MGMT: variants seen among roughly 807,000 people sequenced by gnomAD.
The protein encoded by MGMT is O-6-methylguanine-DNA methyltransferase.
MGMT carries 14 observed loss-of-function variants against 15.9 expected under a neutral mutation model. The observed-to-expected ratio is 0.88, with a 90% CI of 0.58 to 1.37. MGMT has a LOEUF of 1.37. Ranked by LOEUF, MGMT falls within the 40% of genes most tolerant of loss-of-function variation. The probability of loss-of-function intolerance (pLI) is 0.00; values close to 1 mark genes in which losing one functional copy is unlikely to be tolerated. For missense variants in MGMT, 282 were observed against 268.1 expected (o/e 1.05, Z -0.36); for synonymous variants, 130 against 118.2 (o/e 1.10, Z -0.65).
At chr10:129,739,972 C>T (rs1223940631) in intron 3 of MGMT, among the ~76,000 whole-genome samples, 2 of 152,210 alleles carry the variant, frequency 1.3e-5, no homozygotes, top group Admixed American at 6.5e-5. Context: ...GGTCGTGTGG[C>T]CACTGGGGGC....
chr10:129,681,151 T>C (rs1427229466), intron 2 of MGMT, among the ~76,000 whole-genome samples: 1 of 152,130 alleles, frequency 6.6e-6, no homozygotes, highest in African/African-American at 2.4e-5. Context: ...CGTCCGATGG[T>C]CTCCACCTGT....
At chr10:129,620,595 A>G (rs1282810561) in intron 2 of MGMT, among the ~76,000 whole-genome samples, 1 of 152,128 alleles carries the variant, frequency 6.6e-6, no homozygotes, top group Non-Finnish European at 1.5e-5. Flanking sequence ...CTTTATCTCC[A>G]GCCATTTTTC....
intron 1 of MGMT, among the ~76,000 whole-genome samples, chr10:129,495,836 AG>A (rs370398281): frequency 2.6e-4 from 39 of 152,334 alleles, no homozygotes; most frequent in African/African-American, 8.9e-4. Context: ...CTGCAGAAAT[AG>A]GCCTGTGTCT....
At chr10:129,605,162 T>C (rs981753774) in intron 2 of MGMT, among the ~76,000 whole-genome samples, 1 of 152,212 alleles carries the variant, frequency 6.6e-6, no homozygotes, top group African/African-American at 2.4e-5. Flanking sequence ...GGGTTATTAC[T>C]GGCCATTGAA....
intron 2 of MGMT, among the ~76,000 whole-genome samples, chr10:129,670,761 T>A (rs10829614): frequency 0.47 from 70,790 of 151,986 alleles, 16,873 homozygotes; most frequent in East Asian, 0.76. Flanking sequence ...ATGGACAGAA[T>A]CATTGAAAGA....
chr10:129,467,731 G>A (rs1845185746), intron 1 of MGMT, among the ~76,000 whole-genome samples: 1 of 152,206 alleles, frequency 6.6e-6, no homozygotes, highest in Non-Finnish European at 1.5e-5. Flanking sequence ...TTTCCTTCCT[G>A]CTGGAGGCCA....
chr10:129,751,619 T>C (rs1480151884), intron 3 of MGMT, among the ~76,000 whole-genome samples: 1 of 151,930 alleles, frequency 6.6e-6, no homozygotes, highest in Non-Finnish European at 1.5e-5. Context: ...TATTGAGACC[T>C]TTCTTTTTTA....
chr10:129,741,666 G>A (rs1377886089), intron 3 of MGMT, among the ~76,000 whole-genome samples: 4 of 152,170 alleles, frequency 2.6e-5, no homozygotes, highest in East Asian at 3.9e-4. Flanking sequence ...CTGATATTTC[G>A]AGTGGGGTCA....
At chr10:129,485,040 A>G (rs369558188) in intron 1 of MGMT, among the ~76,000 whole-genome samples, 1 of 151,944 alleles carries the variant, frequency 6.6e-6, no homozygotes. Flanking sequence ...TACCTGATGA[A>G]TGTTGTATTA....
At chr10:129,749,292 C>T (rs541776146) in intron 3 of MGMT, among the ~76,000 whole-genome samples, 1 of 152,258 alleles carries the variant, frequency 6.6e-6, no homozygotes, top group South Asian at 2.1e-4. Context: ...ATTCAGTCCC[C>T]CGCTCCTTCT....
chr10:129,684,049 C>G (rs1398312526), intron 2 of MGMT, among the ~76,000 whole-genome samples: 1 of 152,248 alleles, frequency 6.6e-6, no homozygotes, highest in African/African-American at 2.4e-5. Context: ...GGCTGGTCCC[C>G]TCTGTATTTG....
intron 3 of MGMT, chr10:129,715,431 CT>C (rs1848282626): frequency 6.6e-6 from 1 of 152,120 alleles, no homozygotes; most frequent in Non-Finnish European, 1.5e-5. Context: ...TTTAAATGGG[CT>C]TTGAAAAATA....
chr10:129,720,729 A>T (rs568019150), intron 3 of MGMT, among the ~76,000 whole-genome samples: 1 of 152,348 alleles, frequency 6.6e-6, no homozygotes, highest in South Asian at 2.1e-4. Context: ...GAGCACTCAG[A>T]GCAGTGCCTG....
intron 2 of MGMT, among the ~76,000 whole-genome samples, chr10:129,586,800 A>G (rs1009199382): frequency 1.3e-5 from 2 of 152,106 alleles, no homozygotes; most frequent in African/African-American, 2.4e-5. Flanking sequence ...AAGTTGCCAA[A>G]CTGTTTTCCA....
chr10:129,667,479 G>T (rs1286986332), intron 2 of MGMT, among the ~76,000 whole-genome samples: 1 of 152,134 alleles, frequency 6.6e-6, no homozygotes, highest in Non-Finnish European at 1.5e-5. Flanking sequence ...CCAGTGTCGT[G>T]TAGTGTCCCT....
chr10:129,686,653 G>A (rs1349280608), intron 2 of MGMT, among the ~76,000 whole-genome samples: 5 of 152,280 alleles, frequency 3.3e-5, no homozygotes, highest in Middle Eastern at 3.4e-3. Flanking sequence ...ATGTGCCACC[G>A]TGCCCGGCCT....
Position 129,769,068 on chromosome 10 carries a change from G to GC in MGMT, c.*2073dup, listed in dbSNP as rs1187659411. On this transcript the variant is annotated 3_prime_UTR_variant, in exon 5 of 5. Transcript: ENST00000651593. ...GGTGGCAGGGGACCTGCCCGTCAAA[G>GC]CCGTCCAAGGTGAGCCAGCAAATCC... 7.9e-5 allele frequency: 12 copies of GC among 152,706 alleles called. No homozygotes were observed. Among genetic ancestry groups the GC allele is most frequent in the African/African-American group, 2.9e-4 (12 of 41,476 alleles). The allele number at this position is 152,706 out of a possible 1,614,324, so 9.5% of individuals were successfully genotyped here.
At chr10:129,737,525 T>C (rs538323775) in intron 3 of MGMT, among the ~76,000 whole-genome samples, 1,714 of 152,300 alleles carry the variant, frequency 0.011, 24 homozygotes, top group African/African-American at 0.037. Context: ...CGGAGTAATT[T>C]GATCGTCTGA....
In MGMT at chr10:129,530,238, A is replaced by G. The variant is rs548343410; in HGVS notation, c.-12-6003A>G. 3.3e-5 allele frequency among the ~76,000 whole-genome samples: 5 copies of G among 152,330 alleles called. No individual in the cohort carries two copies. The East Asian group carries it at 9.6e-4, about 29-fold the overall frequency. On this transcript the variant is annotated intron_variant, in intron 1 of 4. Coordinates refer to ENST00000651593, the MANE Select transcript of MGMT (RefSeq NM_002412.5). ...ATTAATACAGTTTTTTTCTCCTTGA[A>G]AAGTTGACTCGTACTAACTGTAGAA...
Sources: allele counts gnomAD v4.1 joint callset (sites outside exome capture counted in the v4.1 genomes callset), GRCh38; gene constraint gnomAD v4.1.1; transcripts MANE v1.5; gene names NCBI Gene and HGNC (gene_info 2026-07-23, HGNC 2026-07-21).